Variants in COL9A1 observed in about 807,000 individuals in gnomAD.
COL9A1 encodes the protein collagen type IX alpha 1 chain.
In COL9A1, 104 loss-of-function variants were observed where a neutral mutation model predicts 142.6. The observed-to-expected ratio is 0.73, with a 90% CI of 0.62 to 0.86. The LOEUF (loss-of-function observed/expected upper bound fraction) is 0.86, where lower values mean the gene tolerates loss of function less well. COL9A1 is among the 40% of genes least tolerant of loss of function. The pLI is 0.00. For synonymous variants in COL9A1, 466 were observed against 396.0 expected (o/e 1.18, Z -2.10); for missense variants, 1,210 against 1,176.6 (o/e 1.03, Z -0.42).
chr6:70,264,301 C>T (rs1218273510), intron 18 of COL9A1, among the ~76,000 whole-genome samples: 2 of 151,936 alleles, frequency 1.3e-5, no homozygotes, highest in Non-Finnish European at 2.9e-5. Context: ...ACTAGGACTG[C>T]ATTAAATTAA....
At chr6:70,278,311 T>C (rs1181709037) in intron 10 of COL9A1, among the ~76,000 whole-genome samples, 3 of 152,114 alleles carry the variant, frequency 2.0e-5, no homozygotes, top group Non-Finnish European at 4.4e-5. Context: ...GCCTGGGGAG[T>C]CTAAAAATCA....
At chr6:70,281,311 A>G in intron 8 of COL9A1, 79 bp downstream of exon 8, 3 of 1,423,974 alleles carry the variant, frequency 2.1e-6, no homozygotes, top group Non-Finnish European at 2.9e-6. Flanking sequence ...AAAAAAAAAA[A>G]AACCCCACAG....
Position 70,263,272 on chromosome 6 carries a change from A to C in COL9A1, c.1367T>G (p.Leu456Arg). 6.2e-7 allele frequency: 1 copy of C among 1,609,714 alleles called. No individual in the cohort carries two copies. The change falls in exon 19 of 38, where the codon CTC becomes CGC. Residue 456 changes from leucine to arginine, a missense_variant. Transcript: ENST00000357250. ...AGGTCCTTGAGCTCCAACTTCTCCG[A>C]GTTCTCCCTGGTCACCTTCTTCACC... ...HKGEEGDQGE[L>R]GEVGAQGPPG...
intron 32 of COL9A1, among the ~76,000 whole-genome samples, chr6:70,240,071 A>C (rs1251818720): frequency 2.0e-5 from 3 of 152,188 alleles, no homozygotes; most frequent in Admixed American, 2.0e-4. Flanking sequence ...ACCAAAACAT[A>C]AGTTTCCACA....
intron 11 of COL9A1, 81 bp from the exon 12 acceptor site, chr6:70,274,163 C>T: frequency 4.5e-6 from 5 of 1,100,920 alleles, no homozygotes; most frequent in Non-Finnish European, 6.7e-6. Flanking sequence ...ATATTGAAAG[C>T]ATTAAAACAC....
chr6:70,246,268 G>A (rs953941209), intron 28 of COL9A1: 7 of 152,136 alleles, frequency 4.6e-5, no homozygotes, highest in East Asian at 1.9e-4. Context: ...GCTGAGGGGG[G>A]AGAATTTCTT....
chr6:70,295,610 C>A (rs1049301899), intron 4 of COL9A1, among the ~76,000 whole-genome samples: 2 of 152,108 alleles, frequency 1.3e-5, no homozygotes, highest in Admixed American at 6.6e-5. Flanking sequence ...AATCTGCCAA[C>A]TAAGTCTGTA....
chr6:70,263,391 T>C (rs1234356698), intron 18 of COL9A1, 94 bp from the exon 19 acceptor site: 1 of 1,052,422 alleles, frequency 9.5e-7, no homozygotes, highest in Admixed American at 2.4e-5. Flanking sequence ...ATGTTTTAAG[T>C]TAACTTGGTG....
intron 33 of COL9A1, among the ~76,000 whole-genome samples, chr6:70,236,178 AGG>A (rs1769900900): frequency 6.6e-6 from 1 of 151,668 alleles, no homozygotes; most frequent in African/African-American, 2.4e-5. Flanking sequence ...TTAAGTATGA[AGG>A]AAGTTAAAAA....
intron 2 of COL9A1, 134 bp downstream of exon 2, chr6:70,301,867 G>T (rs1774075342): frequency 8.1e-6 from 6 of 739,516 alleles, no homozygotes; most frequent in Non-Finnish European, 1.4e-5. Flanking sequence ...GTATCCCTGT[G>T]CCCCAAAGCT....
At chr6:70,241,791 T>A (rs749565179) in intron 30 of COL9A1, among the ~76,000 whole-genome samples, 173 bp downstream of exon 30, 4 of 152,244 alleles carry the variant, frequency 2.6e-5, no homozygotes, top group Non-Finnish European at 5.9e-5. Flanking sequence ...ATTATATTAA[T>A]AGACTTTTTG....
intron 36 of COL9A1, among the ~76,000 whole-genome samples, chr6:70,231,029 T>C (rs78739591): frequency 7.2e-5 from 11 of 152,292 alleles, no homozygotes; most frequent in Non-Finnish European, 1.5e-4. Context: ...AAATGGGCGA[T>C]TGCTCCACAC....
chr6:70,248,012 G>A (rs966761420), intron 28 of COL9A1, among the ~76,000 whole-genome samples: 5 of 152,172 alleles, frequency 3.3e-5, no homozygotes, highest in African/African-American at 9.7e-5. Context: ...CACAAGGAAC[G>A]TATCATCTTC....
Position 70,274,859 on chromosome 6 carries a change from T to C in COL9A1, c.976-87A>G, listed in dbSNP as rs603304. On this transcript the variant is annotated intron_variant, in intron 10 of 37. Transcript: ENST00000357250. ...GAAAACTTTCATTTTATTTATTAAT[T>C]GTCTACAGGATGGTTACATAAGTAT... 431,138 of 1,020,602 alleles carry C rather than the reference T, an allele frequency of 0.42. 96,858 individuals carry two copies. Among genetic ancestry groups the C allele is most frequent in the African/African-American group, 0.78 (48,598 of 62,476 alleles). The allele number at this position is 1,020,602 out of a possible 1,614,324, so 63.2% of individuals were successfully genotyped here. A position where few individuals can be genotyped will look rare whatever the true frequency, so the allele number is the denominator to read the frequency against.
Position 70,274,929 on chromosome 6 carries a change from A to G in COL9A1, c.976-157T>C, listed in dbSNP as rs41265345. On this transcript the variant is annotated intron_variant, in intron 10 of 37. Coordinates refer to ENST00000357250, the MANE Select transcript of COL9A1 (RefSeq NM_001851.6). ...AAATACCTTACTATAGTCTTACTCA[A>G]AAGTAAAGATTAACAGAAGATCTGC... 7.3e-3 allele frequency: 4,652 copies of G among 634,200 alleles called. 36 individuals are homozygous for G. Among genetic ancestry groups the G allele is most frequent in the Non-Finnish European group, 8.3e-3 (3,006 of 362,528 alleles). 39.3% of individuals were successfully genotyped at this position (634,200 alleles called of 1,614,324 possible).
At chr6:70,262,165 CA>C (rs70987501) in intron 19 of COL9A1, among the ~76,000 whole-genome samples, 65 of 144,120 alleles carry the variant, frequency 4.5e-4, no homozygotes, top group Admixed American at 6.3e-4. Context: ...TTCATCAGAT[CA>C]AAAAAAAAAA....
At chr6:70,298,000 T>C (rs959935591) in intron 4 of COL9A1, among the ~76,000 whole-genome samples, 2 of 152,208 alleles carry the variant, frequency 1.3e-5, no homozygotes, top group Non-Finnish European at 2.9e-5. Flanking sequence ...TCTTTCACTG[T>C]CTCAGAGCCT....
chr6:70,274,397 G>A (rs777958948), intron 11 of COL9A1, among the ~76,000 whole-genome samples: 6 of 151,838 alleles, frequency 4.0e-5, no homozygotes, highest in Non-Finnish European at 7.4e-5. Flanking sequence ...TGTGTGTGTT[G>A]TTCCCCTTCA....
At chr6:70,273,440 A>C (rs988169744) in intron 12 of COL9A1, among the ~76,000 whole-genome samples, 3 of 152,190 alleles carry the variant, frequency 2.0e-5, no homozygotes, top group Admixed American at 1.3e-4. Context: ...TATGGCAAAG[A>C]AAATAGCACA....
Sources: gnomAD v4.1 joint callset for allele counts (sites outside exome capture counted in the v4.1 genomes callset) on GRCh38, gnomAD v4.1.1 for gene constraint, MANE v1.5 for transcripts, NCBI Gene and HGNC (gene_info 2026-07-23, HGNC 2026-07-21) for gene names.